Variants in EXOC4 observed in about 807,000 individuals in gnomAD.
The protein encoded by EXOC4 is exocyst complex component 4, also known as SEC8-like 1.
A neutral mutation model predicts 107.2 loss-of-function variants in EXOC4; 71 were observed. The ratio of observed to expected loss-of-function variants is 0.66; its 90% CI spans 0.55 to 0.81. The LOEUF (loss-of-function observed/expected upper bound fraction) is 0.81. Among genes scored for constraint, EXOC4 ranks in the 30% least tolerant of loss-of-function variants. EXOC4 has a pLI of 0.00. For missense variants in EXOC4, 1,108 were observed against 1,189.6 expected (o/e 0.93, Z 1.01); for synonymous variants, 456 against 441.2 (o/e 1.03, Z -0.42).
the EXOC4 span, among the ~76,000 whole-genome samples, chr7:134,079,332 A>G: frequency 3.3e-5 from 5 of 152,150 alleles, no homozygotes; most frequent in African/African-American, 1.2e-4. Flanking sequence ...CTAGAGACAG[A>G]GTTCTGCATG....
At chr7:133,810,669 G>A (rs1420977930) in intron 10 of EXOC4, among the ~76,000 whole-genome samples, 1 of 147,288 alleles carries the variant, frequency 6.8e-6, no homozygotes, top group Non-Finnish European at 1.5e-5. Flanking sequence ...GTCTTGCTGT[G>A]TTGCCCAGGC....
At chr7:133,633,001 G>C (rs1298719788) in intron 10 of EXOC4, among the ~76,000 whole-genome samples, 2 of 152,078 alleles carry the variant, frequency 1.3e-5, no homozygotes, top group African/African-American at 2.4e-5. Flanking sequence ...AAATAATCTT[G>C]GTTCAGGACT....
intron 9 of EXOC4, among the ~76,000 whole-genome samples, chr7:133,547,703 A>G (rs1358622883): frequency 6.6e-6 from 1 of 152,210 alleles, no homozygotes; most frequent in African/African-American, 2.4e-5. Context: ...TTGCTTGACT[A>G]TAAAAACTCC....
intron 10 of EXOC4, among the ~76,000 whole-genome samples, chr7:133,731,499 T>C (rs1795325267): frequency 6.6e-6 from 1 of 152,158 alleles, no homozygotes; most frequent in Admixed American, 6.6e-5. Context: ...ACTAGACTTC[T>C]AGAACTACTA....
chr7:133,419,619 G>T (rs1355814116), intron 7 of EXOC4, among the ~76,000 whole-genome samples: 1 of 152,048 alleles, frequency 6.6e-6, no homozygotes, highest in Non-Finnish European at 1.5e-5. Flanking sequence ...GTTTTAAGGG[G>T]ATCATAGTCT....
rs368616543 is a variant in EXOC4, at chr7:133,772,837, C to T, written c.1515-44488C>T. 5.9e-5 allele frequency among the ~76,000 whole-genome samples: 9 copies of T among 152,136 alleles called. No individual in the cohort carries two copies. The East Asian group carries it at 1.4e-3, about 23-fold the overall frequency. Reference sequence around the variant, plus strand: ...TGCAATTCCATTCTCCTGAGTTCTACGCTGTTACTCTTTCCCCTTAAGAGC... The same window carrying T: ...TGCAATTCCATTCTCCTGAGTTCTATGCTGTTACTCTTTCCCCTTAAGAGC... On this transcript the variant is annotated intron_variant, in intron 10 of 17. Coordinates refer to ENST00000253861, the MANE Select transcript of EXOC4 (RefSeq NM_021807.4).
At chr7:133,939,905 T>C (rs530076603) in intron 14 of EXOC4, among the ~76,000 whole-genome samples, 4 of 152,264 alleles carry the variant, frequency 2.6e-5, no homozygotes, top group African/African-American at 9.6e-5. Context: ...TCTGCTCCCT[T>C]CTCCCCTCTA....
chr7:133,608,546 CTTTTTTTTT>C (rs1161155238), intron 9 of EXOC4, among the ~76,000 whole-genome samples: 5 of 85,018 alleles, frequency 5.9e-5, no homozygotes, highest in South Asian at 4.8e-4. Context: ...TGCTGTATTT[CTTTTTTTTT>C]TTTTTTTTTT....
intron 17 of EXOC4, among the ~76,000 whole-genome samples, chr7:134,026,998 T>A (rs949253886): frequency 3.9e-5 from 6 of 152,008 alleles, no homozygotes; most frequent in Non-Finnish European, 8.8e-5. Context: ...TCCAAAAAGA[T>A]TTTTTTTAAC....
chr7:133,656,412 T>C (rs1585058256), intron 10 of EXOC4, among the ~76,000 whole-genome samples: 1 of 152,136 alleles, frequency 6.6e-6, no homozygotes, highest in Non-Finnish European at 1.5e-5. Flanking sequence ...TGTGTGTGTA[T>C]ATATATAACT....
intron 5 of EXOC4, among the ~76,000 whole-genome samples, chr7:133,324,261 T>C (rs1286135357): frequency 1.3e-5 from 2 of 152,204 alleles, no homozygotes; most frequent in African/African-American, 4.8e-5. Context: ...AGCTTTTGAA[T>C]GTGTTTGTTC....
At chr7:133,587,884 C>G (rs1801442904) in intron 9 of EXOC4, among the ~76,000 whole-genome samples, 1 of 152,186 alleles carries the variant, frequency 6.6e-6, no homozygotes, top group Non-Finnish European at 1.5e-5. Flanking sequence ...AAAAAATTCA[C>G]CAAACACTAC....
chr7:133,349,236 A>G (rs545170400), intron 5 of EXOC4, among the ~76,000 whole-genome samples: 2 of 152,226 alleles, frequency 1.3e-5, no homozygotes, highest in South Asian at 2.1e-4. Context: ...GTGTTGTGCA[A>G]CCATCACCAC....
At chr7:133,685,167 T>C (rs1457128355) in intron 10 of EXOC4, among the ~76,000 whole-genome samples, 1 of 152,280 alleles carries the variant, frequency 6.6e-6, no homozygotes, top group East Asian at 1.9e-4. Flanking sequence ...GCAGTTGGTA[T>C]GGTCAGGCTT....
intron 17 of EXOC4, among the ~76,000 whole-genome samples, chr7:134,028,784 C>G: frequency 6.6e-6 from 1 of 152,232 alleles, no homozygotes; most frequent in East Asian, 1.9e-4. Flanking sequence ...AAGAGAGAAT[C>G]TCTATACCTC....
chr7:133,929,522 A>T (rs910436698), intron 13 of EXOC4, among the ~76,000 whole-genome samples: 4 of 151,786 alleles, frequency 2.6e-5, no homozygotes, highest in Admixed American at 6.6e-5. Flanking sequence ...TTTTTTGCCA[A>T]TTTTACACAA....
chr7:134,070,792 A>AAT (rs1554442771), downstream of EXOC4, among the ~76,000 whole-genome samples: 217 of 150,636 alleles, frequency 1.4e-3, 1 homozygote, highest in Middle Eastern at 7.0e-3. Flanking sequence ...AAAAAAAATA[A>AAT]AAGGAACTTA....
chr7:133,832,624 A>G (rs1417314823), intron 11 of EXOC4, among the ~76,000 whole-genome samples: 22 of 152,204 alleles, frequency 1.4e-4, no homozygotes, highest in Non-Finnish European at 8.8e-5. Context: ...GCTTTTCACG[A>G]CTTGATAACT....
intron 4 of EXOC4, among the ~76,000 whole-genome samples, chr7:133,307,962 C>T (rs924484523): frequency 1.3e-5 from 2 of 152,174 alleles, no homozygotes; most frequent in African/African-American, 2.4e-5. Flanking sequence ...AAACAGTAAC[C>T]GGGAGCTACA....
Sources: gnomAD v4.1 joint callset for allele counts (sites outside exome capture counted in the v4.1 genomes callset) on GRCh38, gnomAD v4.1.1 for gene constraint, MANE v1.5 for transcripts, NCBI Gene and HGNC (gene_info 2026-07-23, HGNC 2026-07-21) for gene names.